The following OPCML variants were observed in gnomAD, a reference collection of about 807,000 sequenced individuals.
The protein encoded by OPCML is opioid-binding protein/cell adhesion molecule.
OPCML carries 13 observed loss-of-function variants against 37.8 expected under a neutral mutation model. The ratio of observed to expected loss-of-function variants is 0.34; its 90% confidence interval spans 0.22 to 0.55. The LOEUF is 0.55. Ranked by LOEUF, OPCML falls within the 20% of genes least tolerant of loss-of-function variation. OPCML has a pLI of 0.91. For synonymous variants in OPCML, 176 were observed against 168.8 expected, an observed-to-expected ratio of 1.04 and a Z score of -0.33; for missense variants, 341 against 435.6, an observed-to-expected ratio of 0.78 and a Z score of 1.93.
intron 1 of OPCML, among the ~76,000 whole-genome samples, chr11:133,350,353 A>G (rs1401860652): frequency 6.6e-6 from 1 of 152,202 alleles, no homozygotes; most frequent in Admixed American, 6.5e-5. Flanking sequence ...TCAACCATGT[A>G]TTTCAAGAAA....
At chr11:133,026,073 T>A (rs904746451) in intron 1 of OPCML, 2 of 985,150 alleles carry the variant, frequency 2.0e-6, no homozygotes, top group Non-Finnish European at 2.4e-6. Flanking sequence ...TCTCTCATCA[T>A]GACTTGATGA....
At chr11:132,830,180 A>G (rs1185055303) in intron 2 of OPCML, among the ~76,000 whole-genome samples, 2 of 152,080 alleles carry the variant, frequency 1.3e-5, no homozygotes, top group Non-Finnish European at 2.9e-5. Context: ...AATTTAGCCT[A>G]TATCATGTTT....
intron 2 of OPCML, among the ~76,000 whole-genome samples, chr11:132,704,656 T>C (rs1292108393): frequency 6.6e-6 from 1 of 152,146 alleles, no homozygotes; most frequent in Non-Finnish European, 1.5e-5. Context: ...GGTCAAAATA[T>C]GGAGCAAAGT....
chr11:132,856,875 C>A (rs1942078223), intron 2 of OPCML, among the ~76,000 whole-genome samples: 1 of 152,228 alleles, frequency 6.6e-6, no homozygotes, highest in African/African-American at 2.4e-5. Context: ...TTGGATCTCA[C>A]AAATCACACA....
At chr11:133,458,828 T>C (rs999524743) in intron 1 of OPCML, among the ~76,000 whole-genome samples, 3 of 151,418 alleles carry the variant, frequency 2.0e-5, no homozygotes, top group African/African-American at 7.3e-5. Flanking sequence ...TGCACGTGTG[T>C]GTGTATATAC....
Position 132,748,063 on chromosome 11 carries a change from CTT to C in OPCML, c.147-90746_147-90745del, listed in dbSNP as rs34569655. Among the ~76,000 whole-genome samples the C allele has an allele frequency of 1.5e-3, 212 of 140,416 alleles. 1 individual carries two copies. The highest frequency in any genetic ancestry group is 1.8e-3 in the Admixed American group (25 of 14,206). The allele number at this position is 140,416 out of a possible 152,430, so 92.1% of individuals were successfully genotyped here. On this transcript the variant is annotated intron_variant, in intron 2 of 7. Transcript: ENST00000524381. ...GTTATTTTATCCTCCAGCTGCTTGTCTTTTTTTTTTTTTTTTAGAGAAAAATA... is the reference window on the plus strand; with the variant it reads ...GTTATTTTATCCTCCAGCTGCTTGTCTTTTTTTTTTTTTTAGAGAAAAATA...
At position 132,544,640 on chromosome 11, in the gene OPCML, G is replaced by A. The variant is rs566079730; in HGVS notation, c.380-15454C>T. Among the ~76,000 whole-genome samples, 6 of 152,254 alleles carry A rather than the reference G, an allele frequency of 3.9e-5. No homozygotes were observed. In the South Asian group the frequency reaches 1.2e-3, roughly 32 times the overall value. On this transcript the variant is annotated intron_variant, in intron 3 of 7. Transcript: ENST00000524381. ...GTTAATAAGGTTCACCAGCATGCCA[G>A]GTAAAAAGCCATTGATATTTATGAT...
chr11:132,547,876 G>A (rs545850181), intron 3 of OPCML, among the ~76,000 whole-genome samples: 1 of 152,252 alleles, frequency 6.6e-6, no homozygotes, highest in East Asian at 1.9e-4. Flanking sequence ...GAAAGTGAAG[G>A]AGAGAGACCC....
intron 1 of OPCML, among the ~76,000 whole-genome samples, chr11:133,064,295 G>A (rs1948402282): frequency 6.6e-6 from 1 of 152,234 alleles, no homozygotes; most frequent in Admixed American, 6.5e-5. Flanking sequence ...CACTTGTGGA[G>A]CTTTGTCTCC....
intron 1 of OPCML, among the ~76,000 whole-genome samples, chr11:133,348,186 C>A (rs1407836199): frequency 6.6e-6 from 1 of 152,120 alleles, no homozygotes; most frequent in African/African-American, 2.4e-5. Context: ...GCTCAATGAC[C>A]ATTCACTAAA....
intron 1 of OPCML, among the ~76,000 whole-genome samples, chr11:133,153,258 T>C (rs1037399715): frequency 6.6e-6 from 1 of 152,068 alleles, no homozygotes; most frequent in Non-Finnish European, 1.5e-5. Context: ...GGAAGTCCGT[T>C]TCCTGTCAGC....
intron 1 of OPCML, among the ~76,000 whole-genome samples, chr11:133,460,407 C>T (rs967741192): frequency 1.3e-5 from 2 of 151,626 alleles, no homozygotes; most frequent in South Asian, 4.1e-4. Context: ...TAGAGAAAAT[C>T]AGTAAAATAA....
chr11:132,990,398 A>G (rs1946754439), intron 1 of OPCML, among the ~76,000 whole-genome samples: 1 of 152,262 alleles, frequency 6.6e-6, no homozygotes, highest in African/African-American at 2.4e-5. Flanking sequence ...TTAGCACAGA[A>G]TCAAAAGAAT....
At chr11:132,533,478 T>C (rs1230661946) in intron 3 of OPCML, among the ~76,000 whole-genome samples, 1 of 152,160 alleles carries the variant, frequency 6.6e-6, no homozygotes, top group African/African-American at 2.4e-5. Flanking sequence ...GACAAATAGA[T>C]GACCAATAGA....
chr11:132,832,765 T>C (rs1429780154), intron 2 of OPCML, among the ~76,000 whole-genome samples: 1 of 152,214 alleles, frequency 6.6e-6, no homozygotes, highest in Non-Finnish European at 1.5e-5. Context: ...CATAGCCTAC[T>C]GCACACCTAG....
At chr11:132,607,217 T>C (rs946290010) in intron 3 of OPCML, among the ~76,000 whole-genome samples, 2 of 152,208 alleles carry the variant, frequency 1.3e-5, no homozygotes, top group Non-Finnish European at 2.9e-5. Context: ...TGGAATATCT[T>C]AAAAGTCAAC....
intron 1 of OPCML, among the ~76,000 whole-genome samples, chr11:133,498,010 A>G (rs1171556792): frequency 1.3e-5 from 2 of 152,148 alleles, no homozygotes; most frequent in Non-Finnish European, 2.9e-5. Context: ...TTGTCAATTT[A>G]AAAGGGAACA....
Position 133,036,951 on chromosome 11 carries a change from T to C in OPCML, c.62-93941A>G, listed in dbSNP as rs987754381. Among the ~76,000 whole-genome samples, 6 of 152,190 alleles carry C rather than the reference T, an allele frequency of 3.9e-5. No individual in the cohort carries two copies. In the East Asian group the frequency reaches 7.7e-4, roughly 20 times the overall value. ...CTTTGCTTGTTCCTCTGTGATGCTCTGCAGGAGCTCCAAGACCATGACCTT... is the reference window on the plus strand; with the variant it reads ...CTTTGCTTGTTCCTCTGTGATGCTCCGCAGGAGCTCCAAGACCATGACCTT... On this transcript the variant is annotated intron_variant, in intron 1 of 7. Coordinates refer to ENST00000524381, the MANE Select transcript of OPCML (RefSeq NM_001012393.5).
chr11:132,415,457 C>T lies in OPCML; in HGVS notation c.*4736G>A, dbSNP rs1336649155. ...GATTAAAAATGCTCCCTTTAACTAA[C>T]ACAAGGGCAGCTTGCAGTACATAGC... On this transcript the variant is annotated 3_prime_UTR_variant, in exon 8 of 8. Transcript: ENST00000524381. 1 of 152,168 alleles carries T rather than the reference C, an allele frequency of 6.6e-6. No homozygotes were observed. Among genetic ancestry groups the T allele is most frequent in the African/African-American group, 2.4e-5 (1 of 41,440 alleles). The allele number at this position is 152,168 out of a possible 1,614,324, so 9.4% of individuals were successfully genotyped here.
Sources: allele counts gnomAD v4.1 joint callset (sites outside exome capture counted in the v4.1 genomes callset), GRCh38; gene constraint gnomAD v4.1.1; transcripts MANE v1.5; gene names NCBI Gene and HGNC (gene_info 2026-07-23, HGNC 2026-07-21).